The following CLIC2 variants were observed in gnomAD, a reference collection of about 807,000 sequenced individuals.
CLIC2 encodes chloride intracellular channel protein 2.
In CLIC2, 9 loss-of-function variants were observed where a neutral mutation model predicts 14.8. The observed-to-expected ratio is 0.61, with a 90% CI of 0.37 to 1.06. The LOEUF is 1.06. CLIC2 is among the 50% of genes least tolerant of loss of function. The pLI, the probability that CLIC2 is intolerant of heterozygous loss-of-function variation, is 0.01. For missense variants in CLIC2, 148 were observed against 181.4 expected, an observed-to-expected ratio of 0.82 and a Z score of 1.06; for synonymous variants, 61 against 66.3, an observed-to-expected ratio of 0.92 and a Z score of 0.39.
chrX:155,327,352 ATG>A (rs1398849832), intron 1 of CLIC2, among the ~76,000 whole-genome samples: 1 of 111,606 alleles, frequency 9.0e-6, no homozygotes, highest in Non-Finnish European at 1.9e-5. Flanking sequence ...TTTTTGATGA[ATG>A]TATTTATCTA....
At chrX:155,295,515 G>A (rs1423517926) in intron 3 of CLIC2, among the ~76,000 whole-genome samples, 1 of 110,742 alleles carries the variant, frequency 9.0e-6, no homozygotes, top group African/African-American at 3.3e-5. Flanking sequence ...GAAGTCCTAG[G>A]TATGGCAATC....
intron 1 of CLIC2, among the ~76,000 whole-genome samples, chrX:155,307,387 T>C (rs2075059521): frequency 9.0e-6 from 1 of 110,738 alleles, no homozygotes; most frequent in Admixed American, 9.6e-5. Flanking sequence ...GAGCATGGCA[T>C]GTATAAAGAA....
At chrX:155,305,083 C>T (rs1222850182) in intron 1 of CLIC2, among the ~76,000 whole-genome samples, 6 of 112,367 alleles carry the variant, frequency 5.3e-5, no homozygotes, top group Non-Finnish European at 1.1e-4. Context: ...GCAGGCAGAC[C>T]TCTTTGAGCT....
Position 155,322,207 on chromosome X carries a change from C to T in CLIC2, c.57+12164G>A, listed in dbSNP as rs138871989. On this transcript the variant is annotated intron_variant, in intron 1 of 5. Coordinates refer to ENST00000369449, the MANE Select transcript of CLIC2 (RefSeq NM_001289.6). ...GAACTCAGCTCCGGACCAAGCAGAC[C>T]GAATAGACATCTACAGAACTCTCCA... Among the ~76,000 whole-genome samples the T allele has an allele frequency of 8.5e-3, 944 of 111,155 alleles. 10 individuals carry two copies. The highest frequency in any genetic ancestry group is 0.03 in the African/African-American group (902 of 30,538).
At chrX:155,279,423 A>G in intron 4 of CLIC2, 93 bp from the exon 5 acceptor site, 5 of 636,978 alleles carry the variant, frequency 7.8e-6, no homozygotes, top group Non-Finnish European at 1.3e-5. Flanking sequence ...AGACACCTCT[A>G]TCTATACATA....
chrX:155,302,062 T>C (rs1225655316), intron 1 of CLIC2, among the ~76,000 whole-genome samples: 3 of 103,755 alleles, frequency 2.9e-5, no homozygotes, highest in Non-Finnish European at 5.9e-5. Context: ...TGTCTCTGCC[T>C]GGCTTTGGTA....
intron 3 of CLIC2, among the ~76,000 whole-genome samples, chrX:155,296,412 G>C (rs1480623326): frequency 9.0e-6 from 1 of 111,433 alleles, no homozygotes; most frequent in Non-Finnish European, 1.9e-5. Flanking sequence ...AAAATAATAA[G>C]AGAAAACCTA....
chrX:155,322,628 A>G (rs2075120274), intron 1 of CLIC2, among the ~76,000 whole-genome samples: 1 of 112,098 alleles, frequency 8.9e-6, no homozygotes, highest in African/African-American at 3.2e-5. Context: ...ACAGCCTAAC[A>G]TCACAATTAA....
At chrX:155,294,669 A>G (rs2074986582) in intron 3 of CLIC2, among the ~76,000 whole-genome samples, 1 of 112,020 alleles carries the variant, frequency 8.9e-6, no homozygotes, top group African/African-American at 3.2e-5. Context: ...ACCCAAACAA[A>G]CAAATTAGAA....
At chrX:155,320,912 A>C (rs1338967851) in intron 1 of CLIC2, among the ~76,000 whole-genome samples, 1 of 111,980 alleles carries the variant, frequency 8.9e-6, no homozygotes, top group Non-Finnish European at 1.9e-5. Flanking sequence ...AACTTCGTGA[A>C]GCATACACAA....
At chrX:155,296,636 CAAA>C (rs782141891) in intron 3 of CLIC2, among the ~76,000 whole-genome samples, 7 of 110,991 alleles carry the variant, frequency 6.3e-5, no homozygotes, top group Non-Finnish European at 5.7e-5. Context: ...ACAAGGAAAT[CAAA>C]CAACTCAACA....
At chrX:155,304,153 C>T (rs1270299138) in intron 1 of CLIC2, among the ~76,000 whole-genome samples, 3 of 108,534 alleles carry the variant, frequency 2.8e-5, no homozygotes, top group Non-Finnish European at 5.7e-5. Flanking sequence ...GGAAGTTCTC[C>T]TGGATAATAT....
intron 3 of CLIC2, chrX:155,291,128 C>G: frequency 6.0e-6 from 6 of 1,004,134 alleles, no homozygotes; most frequent in Non-Finnish European, 8.4e-6. Context: ...CAATGAATAT[C>G]CATTCATATC....
intron 3 of CLIC2, among the ~76,000 whole-genome samples, chrX:155,282,562 C>T (rs1198409925): frequency 1.8e-5 from 2 of 111,156 alleles, no homozygotes; most frequent in Non-Finnish European, 3.8e-5. Context: ...AATGTCCAGG[C>T]CATCCCTGCA....
intron 3 of CLIC2, chrX:155,292,338 A>T (rs1557317719): frequency 1.8e-6 from 1 of 562,660 alleles, no homozygotes; most frequent in African/African-American, 2.2e-5. Context: ...TGATGAAGTG[A>T]TTGTTTTAAC....
intron 3 of CLIC2, among the ~76,000 whole-genome samples, chrX:155,297,861 A>AG: frequency 2.8e-5 from 2 of 71,509 alleles, no homozygotes; most frequent in Non-Finnish European, 5.4e-5. Flanking sequence ...CTCCGGTCTC[A>AG]AAAAAAAAAA....
chrX:155,291,267 T>C, intron 3 of CLIC2: 1 of 927,385 alleles, frequency 1.1e-6, no homozygotes, highest in East Asian at 3.1e-5. Context: ...GATCCAATCA[T>C]AAGTTGCCCA....
chrX:155,284,151 G>A (rs1460445603), intron 3 of CLIC2, among the ~76,000 whole-genome samples: 1 of 110,810 alleles, frequency 9.0e-6, no homozygotes, highest in Non-Finnish European at 1.9e-5. Flanking sequence ...ATCTAGAAAT[G>A]GGTCCATGCA....
At chrX:155,287,995 A>G (rs1402028349) in intron 3 of CLIC2, among the ~76,000 whole-genome samples, 1 of 111,072 alleles carries the variant, frequency 9.0e-6, no homozygotes, top group Admixed American at 9.6e-5. Flanking sequence ...CAGGTATTTT[A>G]TTTTTTTGTG....
Sources: gnomAD v4.1 joint callset for allele counts (sites outside exome capture counted in the v4.1 genomes callset) on GRCh38, gnomAD v4.1.1 for gene constraint, MANE v1.5 for transcripts, NCBI Gene and HGNC (gene_info 2026-07-23, HGNC 2026-07-21) for gene names.